Variants in SUPT3H observed in about 807,000 individuals in gnomAD.
The protein encoded by SUPT3H is transcription initiation protein SPT3 homolog.
SUPT3H carries 44 observed loss-of-function variants against 44.3 expected under a neutral mutation model. The ratio of observed to expected loss-of-function variants is 0.99; its 90% CI spans 0.78 to 1.28. The LOEUF (loss-of-function observed/expected upper bound fraction) is 1.28, where lower values mean the gene tolerates loss of function less well. Among genes scored for constraint, SUPT3H ranks in the 50% most tolerant of loss-of-function variants. The probability of loss-of-function intolerance (pLI) is 0.00; values close to 1 mark genes in which losing one functional copy is unlikely to be tolerated. For missense variants in SUPT3H, 380 were observed against 387.1 expected (o/e 0.98, Z 0.15); for synonymous variants, 124 against 125.6 (o/e 0.99, Z 0.09).
At chr6:45,272,633 C>T (rs1223444203) in intron 2 of SUPT3H, among the ~76,000 whole-genome samples, 1 of 152,106 alleles carries the variant, frequency 6.6e-6, no homozygotes, top group Non-Finnish European at 1.5e-5. Flanking sequence ...TGAATCAGGA[C>T]TGTAAGGTGG....
intron 2 of SUPT3H, among the ~76,000 whole-genome samples, chr6:45,160,176 C>T (rs1445941222): frequency 6.6e-6 from 1 of 152,186 alleles, no homozygotes; most frequent in Non-Finnish European, 1.5e-5. Context: ...CTAAGACTCA[C>T]ATTCAAGTTC....
intron 2 of SUPT3H, among the ~76,000 whole-genome samples, chr6:45,353,194 C>T (rs1043169190): frequency 2.0e-5 from 3 of 151,894 alleles, no homozygotes; most frequent in Admixed American, 6.6e-5. Context: ...AGACCAATGT[C>T]TGAAATCTGA....
intron 9 of SUPT3H, among the ~76,000 whole-genome samples, chr6:44,951,988 A>C (rs1774390344): frequency 1.3e-5 from 2 of 152,232 alleles, no homozygotes; most frequent in African/African-American, 4.8e-5. Context: ...GTGATTAATC[A>C]ACTAAGTAAG....
intron 6 of SUPT3H, among the ~76,000 whole-genome samples, chr6:44,985,805 C>T (rs1224164398): frequency 6.6e-6 from 1 of 152,164 alleles, no homozygotes; most frequent in East Asian, 1.9e-4. Flanking sequence ...TTCAAAACTA[C>T]TTTACCTCTA....
intron 10 of SUPT3H, among the ~76,000 whole-genome samples, chr6:44,919,792 C>T (rs1201040568): frequency 6.6e-6 from 1 of 152,172 alleles, no homozygotes; most frequent in East Asian, 1.9e-4. Flanking sequence ...CTCTCGCCTG[C>T]AATATTGCAG....
At chr6:45,195,095 C>CA (rs1217918985) in intron 2 of SUPT3H, among the ~76,000 whole-genome samples, 3 of 151,746 alleles carry the variant, frequency 2.0e-5, no homozygotes, top group African/African-American at 4.8e-5. Context: ...TGAATTGGCA[C>CA]AAAAAATTGG....
chr6:44,870,348 G>A (rs193197808), intron 10 of SUPT3H, among the ~76,000 whole-genome samples: 146 of 152,308 alleles, frequency 9.6e-4, no homozygotes, highest in African/African-American at 3.2e-3. Context: ...TGTAATCCCA[G>A]CACTTCGTGA....
In SUPT3H at chr6:44,931,012, T is replaced by C. The variant is rs565101722; in HGVS notation, c.912+1641A>G. Among the ~76,000 whole-genome samples the C allele has an allele frequency of 3.3e-5, 5 of 152,346 alleles. No homozygotes were observed. The East Asian group carries it at 7.7e-4, about 24-fold the overall frequency. On this transcript the variant is annotated intron_variant, in intron 10 of 10. Transcript: ENST00000371459. ...GAAAAGATATACACACACACATGTATGTAAATAGTGTCATCAACCACGATG... is the reference window on the plus strand; with the variant it reads ...GAAAAGATATACACACACACATGTACGTAAATAGTGTCATCAACCACGATG...
At chr6:45,248,379 A>C (rs1174507243) in intron 2 of SUPT3H, among the ~76,000 whole-genome samples, 2 of 152,166 alleles carry the variant, frequency 1.3e-5, no homozygotes, top group African/African-American at 2.4e-5. Flanking sequence ...TCCAGAATGT[A>C]TAAAAAGCTC....
chr6:45,122,737 A>G (rs1216074887), intron 2 of SUPT3H, among the ~76,000 whole-genome samples: 1 of 152,210 alleles, frequency 6.6e-6, no homozygotes, highest in African/African-American at 2.4e-5. Flanking sequence ...ATTAGAAGAT[A>G]TATCAAATTA....
intron 9 of SUPT3H, among the ~76,000 whole-genome samples, chr6:44,948,304 C>T (rs1773680327): frequency 2.0e-5 from 3 of 152,150 alleles, no homozygotes; most frequent in South Asian, 2.1e-4. Flanking sequence ...AAAACCTAGG[C>T]AATACCATTC....
intron 5 of SUPT3H, among the ~76,000 whole-genome samples, chr6:45,010,539 C>T (rs1783335091): frequency 6.6e-6 from 1 of 152,114 alleles, no homozygotes. Flanking sequence ...GCTTAAACAA[C>T]AAACATTTAT....
intron 10 of SUPT3H, among the ~76,000 whole-genome samples, chr6:44,835,751 C>T (rs112296250): frequency 6.6e-6 from 1 of 152,104 alleles, no homozygotes; most frequent in Admixed American, 6.6e-5. Flanking sequence ...TGTCCCACCC[C>T]ACTCCCAAGC....
Position 45,273,435 on chromosome 6 carries a change from C to A in SUPT3H, c.101+91766G>T, listed in dbSNP as rs367730349. Among the ~76,000 whole-genome samples the A allele has an allele frequency of 4.6e-5, 7 of 152,216 alleles. No individual in the cohort carries two copies. The South Asian group carries it at 1.2e-3, about 27-fold the overall frequency. On this transcript the variant is annotated intron_variant, in intron 2 of 10. Transcript: ENST00000371459. The stretch of plus-strand genomic sequence containing the variant: ...CTTCCCCATAAATTTGATATTAGTT[C>A]TTGCTTCAACTTGGGCAGAATTCAT...
chr6:45,179,003 G>T (rs1428406507), intron 2 of SUPT3H, among the ~76,000 whole-genome samples: 1 of 152,070 alleles, frequency 6.6e-6, no homozygotes, highest in Non-Finnish European at 1.5e-5. Context: ...ACAATTAAAA[G>T]AGAGAAGAAT....
chr6:45,162,199 C>T (rs531050730), intron 2 of SUPT3H, among the ~76,000 whole-genome samples: 1 of 151,792 alleles, frequency 6.6e-6, no homozygotes, highest in East Asian at 1.9e-4. Context: ...ATATGACTTG[C>T]TACAAATTAA....
intron 2 of SUPT3H, among the ~76,000 whole-genome samples, chr6:45,166,194 G>A (rs1174709208): frequency 1.3e-5 from 2 of 152,158 alleles, no homozygotes; most frequent in Non-Finnish European, 2.9e-5. Context: ...TTAAGAAGCT[G>A]AGGTGACAAG....
rs1772366939 is a variant in SUPT3H at position 45,251,467 on chromosome 6, T to G, written c.101+113734A>C. ...TGCCAGCAGAAAGCCAAAGTAAGAC[T>G]GAAAATTTGCTGTAATTCCCAGGCA... On this transcript the variant is annotated intron_variant, in intron 2 of 10. Transcript: ENST00000371459. Among the ~76,000 whole-genome samples the G allele has an allele frequency of 2.7e-5, 4 of 150,934 alleles. 1 individual carries two copies. The South Asian group carries it at 8.4e-4, about 32-fold the overall frequency.
At chr6:44,878,535 A>G (rs1777672602) in intron 10 of SUPT3H, among the ~76,000 whole-genome samples, 1 of 152,132 alleles carries the variant, frequency 6.6e-6, no homozygotes, top group African/African-American at 2.4e-5. Flanking sequence ...CCTTGCTTAA[A>G]AATATTTCAT....
Sources: gnomAD v4.1 joint callset for allele counts (sites outside exome capture counted in the v4.1 genomes callset) on GRCh38, gnomAD v4.1.1 for gene constraint, MANE v1.5 for transcripts, NCBI Gene and HGNC (gene_info 2026-07-23, HGNC 2026-07-21) for gene names.